Variants in PLIN4 observed in about 807,000 individuals in gnomAD.
The protein encoded by PLIN4 is perilipin-4.
Under a neutral mutation model 52.4 loss-of-function variants are expected in PLIN4, and 57 were observed. That is an observed-to-expected ratio of 1.09 (90% confidence interval 0.88 to 1.36). The LOEUF (loss-of-function observed/expected upper bound fraction) is 1.36. Ranked by LOEUF, PLIN4 falls within the 40% of genes most tolerant of loss-of-function variation. The pLI is 0.00. For synonymous variants in PLIN4, 826 were observed against 785.4 expected (o/e 1.05, Z -0.86); for missense variants, 1,757 against 1,770.3 (o/e 0.99, Z 0.13).
At position 4,517,539 on chromosome 19, in the gene PLIN4, G is replaced by C. The variant is rs759200664; in HGVS notation, c.196+15C>G. 7 of 1,599,370 alleles carry C rather than the reference G, an allele frequency of 4.4e-6. No homozygotes were observed. The highest frequency in any genetic ancestry group is 6.0e-6 in the Non-Finnish European group (7 of 1,172,270). ...GTAGAGTCCCCCCACGCCCCCAGCTGGGCCAGCCACTCACCCTGAGCCTGT... is the reference window on the plus strand; with the variant it reads ...GTAGAGTCCCCCCACGCCCCCAGCTCGGCCAGCCACTCACCCTGAGCCTGT... On this transcript the variant is annotated intron_variant, in intron 3 of 7. Coordinates refer to ENST00000301286, the MANE Select transcript of PLIN4 (RefSeq NM_001367868.2).
At chr19:4,515,244 G>C (rs549514652) in intron 4 of PLIN4, among the ~76,000 whole-genome samples, 3 of 151,834 alleles carry the variant, frequency 2.0e-5, no homozygotes, top group Non-Finnish European at 4.4e-5. Flanking sequence ...TCTAACTCTC[G>C]GGTGTACCTG....
intron 5 of PLIN4, among the ~76,000 whole-genome samples, chr19:4,509,185 CCTGTAGTCCCAGCTACTCGGGAGG>C (rs1976200613): frequency 6.6e-6 from 1 of 151,122 alleles, no homozygotes; most frequent in Admixed American, 6.6e-5. Context: ...GTGGCGGGTG[CCTGTAGTCCCAGCTACTCGGGAGG>C]CTGAGGCAGG....
chr19:4,513,730 G>C, intron 4 of PLIN4, 29 bp from the exon 5 acceptor site: 1 of 1,543,138 alleles, frequency 6.5e-7, no homozygotes, highest in Non-Finnish European at 8.7e-7. Flanking sequence ...GGTGGATCAA[G>C]AGAAGGACTG....
chr19:4,510,564 C>T lies in PLIN4; in HGVS notation c.3396G>A (p.Glu1132=), dbSNP rs746884876. 2 of 1,500,560 alleles carry T rather than the reference C, an allele frequency of 1.3e-6. No homozygotes were observed. The highest frequency in any genetic ancestry group is 1.8e-6 in the Non-Finnish European group (2 of 1,125,260). 93.0% of individuals were successfully genotyped at this position (1,500,560 alleles called of 1,614,324 possible). Residue 1132 remains glutamate (E), a synonymous_variant, in exon 5 of 8, where the codon GAG becomes GAA. Coordinates refer to ENST00000301286, the MANE Select transcript of PLIN4 (RefSeq NM_001367868.2). Reference sequence around the variant, plus strand: ...GTGTGGTGGCCAAAAGCCCCGTGTCCTCCCTGCCTGGGGCGGCCCCTTGGG... The same window carrying T: ...GTGTGGTGGCCAAAAGCCCCGTGTCTTCCCTGCCTGGGGCGGCCCCTTGGG... The part of the protein sequence containing the change: ...TFTQGAAPGR[E]DTGLLATTHG...
chr19:4,506,537 C>G (rs59917493), intron 6 of PLIN4, among the ~76,000 whole-genome samples: 8 of 152,156 alleles, frequency 5.3e-5, no homozygotes, highest in Non-Finnish European at 1.0e-4. Flanking sequence ...CCCCCACCCC[C>G]CAAGGGCAGG....
At chr19:4,508,317 C>T (rs986014752) in intron 6 of PLIN4, among the ~76,000 whole-genome samples, 2 of 152,166 alleles carry the variant, frequency 1.3e-5, no homozygotes, top group Non-Finnish European at 2.9e-5. Context: ...AGTGCAGTGG[C>T]ACCATCTTGG....
At chr19:4,516,487 C>G in intron 4 of PLIN4, 130 bp downstream of exon 4, 1 of 1,113,592 alleles carries the variant, frequency 9.0e-7, no homozygotes, top group Non-Finnish European at 1.3e-6. Context: ...CCACAGCAGC[C>G]CCCCAGATAG....
Position 4,512,467 on chromosome 19 carries a change from G to A in PLIN4, c.1493C>T (p.Thr498Ile). The A allele has an allele frequency of 6.2e-7, 1 of 1,605,854 alleles. No individual in the cohort carries two copies. The highest frequency in any genetic ancestry group is 8.5e-7 in the Non-Finnish European group (1 of 1,175,776). The change falls in exon 5 of 8, where the codon ACT becomes ATT. Residue 498 changes from threonine (T) to isoleucine (I), a missense_variant. By Grantham distance (89) the Thr-to-Ile change is moderately conservative (BLOSUM62 -1). Coordinates refer to ENST00000301286, the MANE Select transcript of PLIN4 (RefSeq NM_001367868.2). ...GAGCCCAGTGGACACAGCATCTTTAGTGCCAGTCAGGACAGACTTTGTAGT... is the reference window on the plus strand; with the variant it reads ...GAGCCCAGTGGACACAGCATCTTTAATGCCAGTCAGGACAGACTTTGTAGT... The part of the protein sequence containing the change: ...LDTTKSVLTG[T>I]KDAVSTGLTG...
At chr19:4,504,806 G>A (rs748816016) in intron 7 of PLIN4, 21 bp from the exon 8 acceptor site, 1 of 1,604,226 alleles carries the variant, frequency 6.2e-7, no homozygotes, top group Non-Finnish European at 8.5e-7. Context: ...AAGGCGCAAG[G>A]TGAGTGGAGA....
At chr19:4,510,060 A>T (rs1976238225) in intron 5 of PLIN4, among the ~76,000 whole-genome samples, 1 of 112,982 alleles carries the variant, frequency 8.9e-6, no homozygotes. Context: ...AAATAAATAC[A>T]TTTTTAAAAA....
intron 4 of PLIN4, 29 bp from the exon 5 acceptor site, chr19:4,513,730 G>T (rs1289290689): frequency 1.3e-6 from 2 of 1,543,018 alleles, no homozygotes; most frequent in African/African-American, 2.7e-5. Context: ...GGTGGATCAA[G>T]AGAAGGACTG....
At position 4,502,689 on chromosome 19, in the gene PLIN4, C is replaced by T. The variant is rs1320383736; in HGVS notation, c.*1770G>A. ...CTCGACTCACCCCAGCTGTGTCACC[C>T]ACACACCGTGTGACTTTGGACAGGT... On this transcript the variant is annotated 3_prime_UTR_variant, in exon 8 of 8. Transcript: ENST00000301286. The T allele has an allele frequency of 1.8e-5, 3 of 166,084 alleles. No individual in the cohort carries two copies. The highest frequency in any genetic ancestry group is 7.2e-5 in the African/African-American group (3 of 41,514). 10.3% of individuals were successfully genotyped at this position (166,084 alleles called of 1,614,324 possible).
intron 4 of PLIN4, among the ~76,000 whole-genome samples, chr19:4,515,117 A>G (rs181160188): frequency 2.8e-4 from 43 of 151,650 alleles, no homozygotes; most frequent in African/African-American, 9.9e-4. Flanking sequence ...CAGAGATTGC[A>G]GTGAGCCGAG....
chr19:4,513,488 G>C lies in PLIN4; in HGVS notation c.472C>G (p.Leu158Val), dbSNP rs1014056837. 1.9e-6 allele frequency: 3 copies of C among 1,612,824 alleles called. No individual in the cohort carries two copies. The African/African-American group carries it at 4.0e-5, about 22-fold the overall frequency. ...GTGAGGACAGCCTTCGAGGTGTCCA[G>C]ACCCCCTTGGACGGCCCCCTTAGCC... is the stretch of plus-strand genomic sequence containing the variant. ...DMAKGAVQGG[L>V]DTSKAVLTGT... Residue 158 changes from leucine (L) to valine (V), a missense_variant, in exon 5 of 8, where the codon CTG becomes GTG. By Grantham distance (32) the Leu-to-Val change is conservative. Coordinates refer to ENST00000301286, the MANE Select transcript of PLIN4 (RefSeq NM_001367868.2).
rs762933337 is a variant in PLIN4, at chr19:4,511,949, C to A, written c.2011G>T (p.Val671Leu). ...TTGGCCACATTCACAGCACTGGTCA[C>A]CCCACTGCCAAAGGTGTTCTTTGTA... Reference protein sequence around the residue: ...TGTKNTFGSGVTSAVNVAKGA... With the variant: ...TGTKNTFGSGLTSAVNVAKGA... Residue 671 changes from valine (V) to leucine (L), a missense_variant, in exon 5 of 8, where the codon GTG becomes TTG. By Grantham distance (32) the Val-to-Leu change is conservative. Coordinates refer to ENST00000301286, the MANE Select transcript of PLIN4 (RefSeq NM_001367868.2). The A allele has an allele frequency of 1.2e-6, 2 of 1,602,532 alleles. No individual in the cohort carries two copies. The highest frequency in any genetic ancestry group is 2.2e-5 in the South Asian group (2 of 90,492).
At chr19:4,517,498 T>C in intron 3 of PLIN4, 56 bp downstream of exon 3, 1 of 1,550,536 alleles carries the variant, frequency 6.4e-7, no homozygotes, top group Non-Finnish European at 8.7e-7. Context: ...GGGAGCTCCT[T>C]CTCCCAGGTC....
intron 4 of PLIN4, 121 bp from the exon 5 acceptor site, chr19:4,513,822 C>T (rs1043341678): frequency 7.9e-6 from 10 of 1,273,674 alleles, no homozygotes; most frequent in Non-Finnish European, 1.0e-5. Context: ...CCCAGAGGCC[C>T]CACCTCCTCA....
chr19:4,506,130 T>C (rs899715658), intron 6 of PLIN4, among the ~76,000 whole-genome samples: 1 of 152,132 alleles, frequency 6.6e-6, no homozygotes, highest in African/African-American at 2.4e-5. Context: ...GTGATCCTTT[T>C]AAATGAAACC....
At chr19:4,505,936 CT>C (rs916861144) in intron 6 of PLIN4, among the ~76,000 whole-genome samples, 1 of 133,320 alleles carries the variant, frequency 7.5e-6, no homozygotes, top group African/African-American at 2.7e-5. Flanking sequence ...TCAGGGGTCT[CT>C]TGGGGTCTTC....
Sources: gnomAD v4.1 joint callset for allele counts (sites outside exome capture counted in the v4.1 genomes callset) on GRCh38, gnomAD v4.1.1 for gene constraint, MANE v1.5 for transcripts, NCBI Gene and HGNC (gene_info 2026-07-23, HGNC 2026-07-21) for gene names.